The following COL23A1 variants were observed in gnomAD, a reference collection of about 807,000 sequenced individuals.
COL23A1 encodes collagen type XXIII alpha 1 chain, also known as collagen alpha-1(XXIII) chain.
In COL23A1, 97 loss-of-function variants were observed where a neutral mutation model predicts 99.3. The observed-to-expected ratio is 0.98, with a 90% confidence interval of 0.83 to 1.16. The LOEUF is 1.16. Ranked by LOEUF, COL23A1 falls within the 50% of genes most tolerant of loss-of-function variation. The pLI is 0.00. For synonymous variants in COL23A1, 320 were observed against 308.2 expected, an observed-to-expected ratio of 1.04 and a Z score of -0.40; for missense variants, 762 against 757.4, an observed-to-expected ratio of 1.01 and a Z score of -0.07.
chr5:178,379,975 G>C (rs1763290842), intron 2 of COL23A1, among the ~76,000 whole-genome samples: 1 of 152,046 alleles, frequency 6.6e-6, no homozygotes, highest in Non-Finnish European at 1.5e-5. Context: ...GGAAACTGAA[G>C]GTCAGGGAGG....
chr5:178,362,055 G>A (rs951441094), intron 2 of COL23A1, among the ~76,000 whole-genome samples: 8 of 152,162 alleles, frequency 5.3e-5, no homozygotes, highest in Non-Finnish European at 7.4e-5. Context: ...CTGCAGATAC[G>A]GGGTCATTGT....
chr5:178,256,968 G>A (rs769568834), intron 13 of COL23A1, 40 bp from the exon 14 acceptor site: 32 of 1,596,140 alleles, frequency 2.0e-5, no homozygotes, highest in Admixed American at 8.5e-5. Flanking sequence ...AGTGTGAGAC[G>A]GCACGTGGCG....
At chr5:178,347,599 T>C (rs1443927981) in intron 2 of COL23A1, among the ~76,000 whole-genome samples, 5 of 148,532 alleles carry the variant, frequency 3.4e-5, no homozygotes, top group African/African-American at 9.9e-5. Flanking sequence ...AAAAAAAAAA[T>C]AGGGCCGGGC....
intron 2 of COL23A1, among the ~76,000 whole-genome samples, chr5:178,464,090 C>A (rs1348957689): frequency 6.6e-6 from 1 of 152,244 alleles, no homozygotes; most frequent in East Asian, 1.9e-4. Context: ...ATCTTAACTA[C>A]GTTTAAGCGT....
At chr5:178,243,061 G>A (rs1313923607) in intron 25 of COL23A1, among the ~76,000 whole-genome samples, 2 of 152,140 alleles carry the variant, frequency 1.3e-5, no homozygotes, top group Non-Finnish European at 2.9e-5. Context: ...ATGGTGATGC[G>A]CGCCTGTAAT....
intron 1 of COL23A1, among the ~76,000 whole-genome samples, chr5:178,565,197 TTTC>T (rs1157944856): frequency 2.0e-5 from 3 of 152,224 alleles, no homozygotes; most frequent in Non-Finnish European, 2.9e-5. Context: ...TGATGGTGAT[TTTC>T]TTCTTTCTGG....
At chr5:178,327,248 C>T (rs569438965) in intron 2 of COL23A1, among the ~76,000 whole-genome samples, 2 of 152,178 alleles carry the variant, frequency 1.3e-5, no homozygotes, top group South Asian at 2.1e-4. Context: ...GAGTAGCTCA[C>T]AATAATCTGG....
intron 2 of COL23A1, among the ~76,000 whole-genome samples, chr5:178,490,518 G>A (rs938106657): frequency 6.6e-6 from 1 of 152,104 alleles, no homozygotes; most frequent in African/African-American, 2.4e-5. Flanking sequence ...GGAGAAGGAT[G>A]GTGGTGATGG....
At chr5:178,571,985 G>T (rs144937282) in intron 1 of COL23A1, among the ~76,000 whole-genome samples, 3 of 151,552 alleles carry the variant, frequency 2.0e-5, no homozygotes, top group Non-Finnish European at 4.4e-5. Context: ...GGAGAATGGC[G>T]TGAACCTGAG....
chr5:178,434,325 G>A lies in COL23A1; in HGVS notation c.361+126357C>T, dbSNP rs931695104. On this transcript the variant is annotated intron_variant, in intron 2 of 28. Transcript: ENST00000390654. The surrounding 1 kb of genome is among the most constrained non-coding windows in gnomAD (Gnocchi z 4.3). ...TCCTCCTCACGTACTCACTGGCCCC[G>A]AGGCACTGTTCTCCAGGACAGATGC... is the stretch of plus-strand genomic sequence containing the variant. Among the ~76,000 whole-genome samples, 14 of 152,296 alleles carry A rather than the reference G, an allele frequency of 9.2e-5. 1 individual carries two copies. The highest frequency in any genetic ancestry group is 4.1e-4 in the South Asian group (2 of 4,828).
At chr5:178,336,791 A>C (rs2030827642) in intron 2 of COL23A1, among the ~76,000 whole-genome samples, 5 of 152,232 alleles carry the variant, frequency 3.3e-5, no homozygotes, top group Admixed American at 3.3e-4. Context: ...TGGCAGAGCA[A>C]TCTGTTTCAT....
intron 2 of COL23A1, among the ~76,000 whole-genome samples, chr5:178,492,653 G>A (rs1757992836): frequency 6.6e-6 from 1 of 151,424 alleles, no homozygotes; most frequent in Non-Finnish European, 1.5e-5. Flanking sequence ...CGAAGTGAAG[G>A]AGGCCAGGCA....
chr5:178,467,858 C>T (rs1467621332), intron 2 of COL23A1, among the ~76,000 whole-genome samples: 2 of 152,136 alleles, frequency 1.3e-5, no homozygotes, highest in Non-Finnish European at 2.9e-5. Flanking sequence ...AAATTATAAG[C>T]GGATACTGCA....
At chr5:178,498,687 G>A (rs1192555268) in intron 2 of COL23A1, among the ~76,000 whole-genome samples, 1 of 152,150 alleles carries the variant, frequency 6.6e-6, no homozygotes, top group African/African-American at 2.4e-5. Context: ...TCTAAGTAGA[G>A]TAAAATTATT....
Position 178,590,007 on chromosome 5 carries a change from C to A in COL23A1, c.191G>T (p.Arg64Leu). The change falls in exon 1 of 29, where the codon CGG becomes CTG. Residue 64 changes from arginine (R) to leucine (L), a missense_variant. Physicochemically the swap from Arg to Leu is moderately radical, Grantham distance 102 (BLOSUM62 -2). Transcript: ENST00000390654. This position sits in a 1 kb window ranked among gnomAD's most constrained non-coding sequence, Gnocchi z 5.7. ...LGVQAAALQGRVAALEEEREL... is the reference protein window; with the variant it reads ...LGVQAAALQGLVAALEEEREL... ...CCGCTCCTCCTCGAGCGCCGCCACC[C>A]GGCCCTGCAGCGCGGCCGCCTGGAC... 7.4e-7 allele frequency: 1 copy of A among 1,354,302 alleles called. No individual in the cohort carries two copies. The highest frequency in any genetic ancestry group is 9.5e-7 in the Non-Finnish European group (1 of 1,054,652). 83.9% of individuals were successfully genotyped at this position (1,354,302 alleles called of 1,614,324 possible).
intron 2 of COL23A1, among the ~76,000 whole-genome samples, chr5:178,459,619 G>A (rs1030227800): frequency 2.6e-5 from 4 of 152,068 alleles, no homozygotes; most frequent in Non-Finnish European, 5.9e-5. Context: ...AAACTTAGTC[G>A]GGCGTGGTGG....
At chr5:178,381,754 G>C (rs1333354060) in intron 2 of COL23A1, among the ~76,000 whole-genome samples, 1 of 152,182 alleles carries the variant, frequency 6.6e-6, no homozygotes, top group African/African-American at 2.4e-5. Context: ...TCCCGCTTCG[G>C]CCTTCTGAGT....
intron 2 of COL23A1, among the ~76,000 whole-genome samples, chr5:178,320,977 G>A (rs1165483797): frequency 1.3e-5 from 2 of 152,224 alleles, no homozygotes; most frequent in Non-Finnish European, 2.9e-5. Context: ...TCCTTGCCCT[G>A]AGAGGGCAGC....
chr5:178,559,398 C>T (rs545757685), intron 2 of COL23A1, among the ~76,000 whole-genome samples: 24 of 152,282 alleles, frequency 1.6e-4, no homozygotes, highest in Middle Eastern at 6.8e-3. Context: ...ACAAAAGTCA[C>T]CTTTCCCTGC....
Sources: gnomAD v4.1 joint callset for allele counts (sites outside exome capture counted in the v4.1 genomes callset) on GRCh38, gnomAD v4.1.1 for gene constraint, Gnocchi (gnomAD v3.1) non-coding constraint, MANE v1.5 for transcripts, NCBI Gene and HGNC (gene_info 2026-07-23, HGNC 2026-07-21) for gene names.